Variants in TRMT9B observed in about 807,000 individuals in gnomAD.
TRMT9B encodes probable tRNA methyltransferase 9B.
TRMT9B carries 16 observed loss-of-function variants against 11.5 expected under a neutral mutation model. The observed-to-expected ratio is 1.39, with a 90% CI of 0.94 to 2.11. The LOEUF (loss-of-function observed/expected upper bound fraction) is 2.11, where lower values mean the gene tolerates loss of function less well. Ranked by LOEUF, TRMT9B falls within the 30% of genes most tolerant of loss-of-function variation. The pLI is 0.00. For missense variants in TRMT9B, 941 were observed against 553.8 expected (o/e 1.70, Z -7.02); for synonymous variants, 274 against 192.4 (o/e 1.42, Z -3.51).
chr8:12,951,050 T>C (rs1800565585), intron 1 of TRMT9B, among the ~76,000 whole-genome samples: 1 of 152,144 alleles, frequency 6.6e-6, no homozygotes, highest in Admixed American at 6.5e-5. Flanking sequence ...ACTATTACGT[T>C]AGGGACCTGG....
chr8:13,022,145 A>G lies in TRMT9B; in HGVS notation c.*101A>G, dbSNP rs1814068376. ...TGCATTCAGTGTTATTTGTTAATCCATTTACGCTTTGGTCTGCAGAGACTA... is the reference window on the plus strand; with the variant it reads ...TGCATTCAGTGTTATTTGTTAATCCGTTTACGCTTTGGTCTGCAGAGACTA... On this transcript the variant is annotated 3_prime_UTR_variant, in exon 5 of 5. Coordinates refer to ENST00000524591, the MANE Select transcript of TRMT9B (RefSeq NM_020844.3). The G allele has an allele frequency of 1.2e-6, 1 of 858,784 alleles. No homozygotes were observed. Among genetic ancestry groups the G allele is most frequent in the Non-Finnish European group, 1.8e-6 (1 of 562,826 alleles). 53.2% of individuals were successfully genotyped at this position (858,784 alleles called of 1,614,324 possible). A position where few individuals can be genotyped will look rare whatever the true frequency, so the allele number is the denominator to read the frequency against.
Position 13,010,888 on chromosome 8 carries a change from A to G in TRMT9B, c.155-1796A>G, listed in dbSNP as rs918915693. On this transcript the variant is annotated intron_variant, in intron 3 of 4. Coordinates refer to ENST00000524591, the MANE Select transcript of TRMT9B (RefSeq NM_020844.3). ...CAAACAGAGGGTACTTTTTCTCATA[A>G]TCATTATTGGGAACAGTGTGGCTAC... The G allele has an allele frequency of 1.0e-5, 10 of 964,546 alleles. No homozygotes were observed. The African/African-American group carries it at 1.6e-4, about 15-fold the overall frequency. 59.7% of individuals were successfully genotyped at this position (964,546 alleles called of 1,614,324 possible).
intron 3 of TRMT9B, chr8:13,012,002 G>A (rs190164815): frequency 1.0e-5 from 10 of 985,196 alleles, no homozygotes; most frequent in Non-Finnish European, 1.2e-5. Flanking sequence ...CGAAACATGC[G>A]TATATACAAA....
At chr8:12,952,259 C>T (rs931444874) in intron 1 of TRMT9B, 2 of 414,954 alleles carry the variant, frequency 4.8e-6, no homozygotes, top group East Asian at 8.7e-5. Context: ...TTCTGTTGCG[C>T]CCTAGATCCG....
intron 3 of TRMT9B, chr8:13,010,118 G>A (rs2128893201): frequency 2.9e-6 from 1 of 340,282 alleles, no homozygotes; most frequent in Non-Finnish European, 4.1e-6. Flanking sequence ...AGCCTGGGTG[G>A]CATAGTGAGA....
intron 4 of TRMT9B, among the ~76,000 whole-genome samples, chr8:13,019,046 C>G (rs1009348238): frequency 1.3e-5 from 2 of 152,108 alleles, no homozygotes; most frequent in African/African-American, 4.8e-5. Flanking sequence ...GCTCAAGTTG[C>G]CCCTCTGCAT....
intron 1 of TRMT9B, among the ~76,000 whole-genome samples, chr8:12,957,057 G>C (rs73544677): frequency 0.024 from 3,683 of 152,292 alleles, 172 homozygotes; most frequent in African/African-American, 0.084. Flanking sequence ...GGTTATGATA[G>C]TATGGTACTT....
At chr8:12,975,420 A>G (rs1804290086) in intron 1 of TRMT9B, among the ~76,000 whole-genome samples, 1 of 151,060 alleles carries the variant, frequency 6.6e-6, no homozygotes, top group African/African-American at 2.4e-5. Context: ...AAGTAGCAGG[A>G]AAGAAAAAAA....
chr8:12,968,700 G>T (rs976861306), intron 1 of TRMT9B, among the ~76,000 whole-genome samples: 3 of 152,166 alleles, frequency 2.0e-5, no homozygotes, highest in East Asian at 1.9e-4. Context: ...AGTCCAGAAG[G>T]CCCCTCCCTG....
intron 1 of TRMT9B, among the ~76,000 whole-genome samples, chr8:12,950,564 T>TCTTTCTTTCTTTCTTTCTTTC (rs1554505540): frequency 2.9e-4 from 44 of 151,908 alleles, no homozygotes; most frequent in African/African-American, 9.9e-4. Context: ...TTTCTTTCTT[T>TCTTTCTTTCTTTCTTTCTTTC]TTGAATGTGA....
At chr8:12,992,967 T>C (rs1022154137) in intron 2 of TRMT9B, among the ~76,000 whole-genome samples, 1 of 152,218 alleles carries the variant, frequency 6.6e-6, no homozygotes. Context: ...TGCTAGACTT[T>C]GCAGACCAGT....
At chr8:13,017,732 G>A (rs1812997760) in intron 4 of TRMT9B, among the ~76,000 whole-genome samples, 1 of 149,474 alleles carries the variant, frequency 6.7e-6, no homozygotes, top group South Asian at 2.1e-4. Flanking sequence ...TCTCACATCA[G>A]TTTCCTGAGT....
intron 2 of TRMT9B, among the ~76,000 whole-genome samples, chr8:12,991,868 T>A (rs1807398522): frequency 6.6e-6 from 1 of 151,920 alleles, no homozygotes; most frequent in African/African-American, 2.4e-5. Flanking sequence ...GAGGTGGAGG[T>A]TGCAGCAAGC....
At chr8:12,974,848 G>A (rs1804191016) in intron 1 of TRMT9B, among the ~76,000 whole-genome samples, 1 of 152,146 alleles carries the variant, frequency 6.6e-6, no homozygotes, top group African/African-American at 2.4e-5. Flanking sequence ...CTTCACGCCT[G>A]AGGTTGACAG....
intron 1 of TRMT9B, among the ~76,000 whole-genome samples, chr8:12,978,173 T>C (rs1368905843): frequency 3.3e-5 from 5 of 152,182 alleles, no homozygotes; most frequent in Admixed American, 3.3e-4. Context: ...CCTGAGCAAA[T>C]AATGTGCATA....
intron 1 of TRMT9B, among the ~76,000 whole-genome samples, chr8:12,976,404 C>T (rs1804457575): frequency 6.6e-6 from 1 of 150,428 alleles, no homozygotes; most frequent in Non-Finnish European, 1.5e-5. Context: ...ATTTCTTGGT[C>T]AGCAGCAACG....
At chr8:12,955,054 G>A (rs370899642) in intron 1 of TRMT9B, among the ~76,000 whole-genome samples, 1 of 152,208 alleles carries the variant, frequency 6.6e-6, no homozygotes, top group Non-Finnish European at 1.5e-5. Flanking sequence ...GGAGTGTGTT[G>A]ACTAAATATC....
At chr8:12,996,914 G>C (rs1808444742) in intron 2 of TRMT9B, among the ~76,000 whole-genome samples, 3 of 150,240 alleles carry the variant, frequency 2.0e-5, no homozygotes, top group Admixed American at 6.6e-5. Flanking sequence ...GCCCACATTT[G>C]TTTTATCTGT....
intron 4 of TRMT9B, among the ~76,000 whole-genome samples, chr8:13,017,767 C>G (rs942888587): frequency 6.6e-5 from 10 of 151,916 alleles, no homozygotes; most frequent in African/African-American, 2.4e-4. Flanking sequence ...ACACACACCA[C>G]CACGCCCAGC....
Sources: gnomAD v4.1 joint callset for allele counts (sites outside exome capture counted in the v4.1 genomes callset) on GRCh38, gnomAD v4.1.1 for gene constraint, MANE v1.5 for transcripts, NCBI Gene and HGNC (gene_info 2026-07-23, HGNC 2026-07-21) for gene names.